RGS5: variants seen among roughly 807,000 people sequenced by gnomAD.
The protein encoded by RGS5 is regulator of G protein signaling 5.
Under a neutral mutation model 18.9 loss-of-function variants are expected in RGS5, and 20 were observed. That is an observed-to-expected ratio of 1.06 (90% CI 0.74 to 1.54). The LOEUF (loss-of-function observed/expected upper bound fraction) is 1.54. Among genes scored for constraint, RGS5 ranks in the 40% most tolerant of loss-of-function variants. The pLI is 0.00. For missense variants in RGS5, 201 were observed against 211.8 expected, an observed-to-expected ratio of 0.95 and a Z score of 0.32; for synonymous variants, 57 against 76.2, an observed-to-expected ratio of 0.75 and a Z score of 1.31.
chr1:163,184,128 C>T (rs1012350068), intron 1 of RGS5, among the ~76,000 whole-genome samples: 12 of 152,128 alleles, frequency 7.9e-5, no homozygotes, highest in Non-Finnish European at 1.2e-4. Context: ...GAGATCTGGG[C>T]TTAATGGAGC....
intron 2 of RGS5, among the ~76,000 whole-genome samples, chr1:163,300,136 T>C (rs1184791749): frequency 1.3e-5 from 2 of 152,210 alleles, no homozygotes; most frequent in African/African-American, 4.8e-5. Context: ...AAAGAGGGGC[T>C]CACTCTGATA....
chr1:163,224,715 T>G (rs756842216), intron 2 of RGS5, among the ~76,000 whole-genome samples: 1 of 152,238 alleles, frequency 6.6e-6, no homozygotes, highest in Non-Finnish European at 1.5e-5. Flanking sequence ...TTATTTTTTA[T>G]TTTTGACAAC....
chr1:163,184,041 G>C (rs1185597326), intron 1 of RGS5, among the ~76,000 whole-genome samples: 1 of 152,078 alleles, frequency 6.6e-6, no homozygotes, highest in Non-Finnish European at 1.5e-5. Flanking sequence ...TCTGCCCTGT[G>C]GTTCTTGCAC....
chr1:163,212,969 T>C (rs1001324419), intron 1 of RGS5: 1 of 152,200 alleles, frequency 6.6e-6, no homozygotes, highest in Non-Finnish European at 1.5e-5. Context: ...CTTCTTCTCT[T>C]TTCACTTCTA....
chr1:163,187,100 C>CA (rs1433391865), intron 1 of RGS5, among the ~76,000 whole-genome samples: 1 of 152,136 alleles, frequency 6.6e-6, no homozygotes, highest in Non-Finnish European at 1.5e-5. Context: ...AGCTGCACTC[C>CA]AGCCATCTGC....
At chr1:163,305,294 TTCTGTTGGTTTGGTGGTC>T (rs1163221030) in intron 2 of RGS5, 3 of 152,648 alleles carry the variant, frequency 2.0e-5, no homozygotes, top group Non-Finnish European at 4.4e-5. Flanking sequence ...TCCTGGTGGC[TTCTGTTGGTTTGGTGGTC>T]TCTGTAAGGA....
intron 2 of RGS5, among the ~76,000 whole-genome samples, chr1:163,284,907 C>A (rs1649103847): frequency 6.6e-6 from 1 of 151,948 alleles, no homozygotes; most frequent in African/African-American, 2.4e-5. Context: ...AAAGACATAC[C>A]CAAGACTGGG....
chr1:163,299,796 G>C lies in RGS5; in HGVS notation c.-281+6437C>G, dbSNP rs780950017. Among the ~76,000 whole-genome samples, 5 of 152,180 alleles carry C rather than the reference G, an allele frequency of 3.3e-5. No individual in the cohort carries two copies. The South Asian group carries it at 1.0e-3, about 32-fold the overall frequency. On this transcript the variant is annotated intron_variant, in intron 2 of 5. Coordinates refer to the RGS5 transcript ENST00000618415. ...AGTTTCTGAGGAAAAAAATCATTTCGATCAAGTAGATATTATTCTTTCCTG... is the reference window on the plus strand; with the variant it reads ...AGTTTCTGAGGAAAAAAATCATTTCCATCAAGTAGATATTATTCTTTCCTG...
intron 1 of RGS5, among the ~76,000 whole-genome samples, chr1:163,316,793 A>G (rs1004557426): frequency 2.0e-5 from 3 of 152,186 alleles, no homozygotes; most frequent in African/African-American, 7.2e-5. Context: ...AACAAAAAGA[A>G]AATTTCTTTT....
intron 1 of RGS5, among the ~76,000 whole-genome samples, chr1:163,213,958 T>C (rs1260999305): frequency 2.0e-5 from 3 of 152,210 alleles, no homozygotes; most frequent in African/African-American, 7.2e-5. Context: ...TCCTATTCTT[T>C]GAGATTAACT....
intron 2 of RGS5, among the ~76,000 whole-genome samples, chr1:163,282,665 G>A (rs971533962): frequency 4.6e-5 from 7 of 152,066 alleles, no homozygotes; most frequent in African/African-American, 1.7e-4. Context: ...AGTTATGATG[G>A]TGCCACTGCA....
chr1:163,279,592 G>C (rs1235277242), intron 2 of RGS5, among the ~76,000 whole-genome samples: 1 of 151,638 alleles, frequency 6.6e-6, no homozygotes, highest in Non-Finnish European at 1.5e-5. Flanking sequence ...AAATAAACAA[G>C]GCACCTCAAG....
intron 2 of RGS5, among the ~76,000 whole-genome samples, chr1:163,243,929 T>C (rs1363517556): frequency 6.6e-6 from 1 of 152,180 alleles, no homozygotes; most frequent in Non-Finnish European, 1.5e-5. Flanking sequence ...GACTGGCTCC[T>C]TCACTGTGTA....
At chr1:163,268,772 T>C (rs890913973) in intron 2 of RGS5, among the ~76,000 whole-genome samples, 5 of 152,122 alleles carry the variant, frequency 3.3e-5, no homozygotes, top group African/African-American at 1.2e-4. Flanking sequence ...TGGGCAATGC[T>C]CTCCCCTCTC....
chr1:163,255,446 C>T (rs528958228), intron 2 of RGS5, among the ~76,000 whole-genome samples: 1 of 152,084 alleles, frequency 6.6e-6, no homozygotes, highest in African/African-American at 2.4e-5. Context: ...CAATAACAGG[C>T]TCTGAAATAG....
intron 2 of RGS5, among the ~76,000 whole-genome samples, chr1:163,233,577 GC>G (rs902991182): frequency 2.0e-5 from 3 of 152,326 alleles, no homozygotes; most frequent in African/African-American, 7.2e-5. Flanking sequence ...GAGCAATAAA[GC>G]TTTTAATCAC....
intron 1 of RGS5, among the ~76,000 whole-genome samples, chr1:163,176,030 TAA>T (rs1283182750): frequency 6.6e-6 from 1 of 152,238 alleles, no homozygotes; most frequent in Non-Finnish European, 1.5e-5. Flanking sequence ...CTTCAAACTA[TAA>T]GATGGCTGAA....
intron 1 of RGS5, among the ~76,000 whole-genome samples, chr1:163,308,197 A>T (rs1649757851): frequency 6.6e-6 from 1 of 152,192 alleles, no homozygotes; most frequent in South Asian, 2.1e-4. Context: ...AATGATTCTC[A>T]AGTGAATCTT....
intron 2 of RGS5, among the ~76,000 whole-genome samples, chr1:163,299,836 A>C (rs1278570452): frequency 6.6e-6 from 1 of 152,226 alleles, no homozygotes; most frequent in Non-Finnish European, 1.5e-5. Context: ...AAAGACAAGA[A>C]TATACAGTTT....
Sources: allele counts gnomAD v4.1 joint callset (sites outside exome capture counted in the v4.1 genomes callset), GRCh38; gene constraint gnomAD v4.1.1; transcripts MANE v1.5; gene names NCBI Gene and HGNC (gene_info 2026-07-23, HGNC 2026-07-21).